Variants in ATP2B4 observed in about 807,000 individuals in gnomAD.
ATP2B4 encodes ATPase plasma membrane Ca2+ transporting 4.
In ATP2B4, 39 loss-of-function variants were observed where a neutral mutation model predicts 110.3. The ratio of observed to expected loss-of-function variants is 0.35; its 90% CI spans 0.27 to 0.46. ATP2B4 has a LOEUF of 0.46. Among genes scored for constraint, ATP2B4 ranks in the 20% least tolerant of loss-of-function variants. ATP2B4 has a pLI of 1.00. For synonymous variants in ATP2B4, 538 were observed against 571.7 expected (o/e 0.94, Z 0.84); for missense variants, 1,135 against 1,530.9 (o/e 0.74, Z 4.32).
intron 1 of ATP2B4, among the ~76,000 whole-genome samples, chr1:203,644,348 T>G (rs1663727783): frequency 6.6e-6 from 1 of 151,898 alleles, no homozygotes; most frequent in Admixed American, 6.6e-5. Context: ...GAACTTTACC[T>G]TCTTCCTTCC....
At chr1:203,689,966 A>G (rs1248636210) in intron 2 of ATP2B4, among the ~76,000 whole-genome samples, 3 of 152,178 alleles carry the variant, frequency 2.0e-5, no homozygotes, top group Non-Finnish European at 4.4e-5. Flanking sequence ...CATTGCTACC[A>G]CCTGCTGAAT....
chr1:203,683,402 A>G lies in ATP2B4; in HGVS notation c.193+4A>G. The G allele has an allele frequency of 6.2e-7, 1 of 1,604,694 alleles. No homozygotes were observed. Among genetic ancestry groups the G allele is most frequent in the Non-Finnish European group, 8.5e-7 (1 of 1,173,738 alleles). ...CTGAAAACCTCCCCTGTGGAAGGTA[A>G]AGGCCATATCAGGGGTGGGGAGTTG... On this transcript the variant is annotated splice_donor_region_variant and intron_variant, in intron 2 of 20. Transcript: ENST00000357681.
chr1:203,711,199 TCTCACTTA>T, intron 12 of ATP2B4, 91 bp downstream of exon 12: 7 of 1,221,896 alleles, frequency 5.7e-6, no homozygotes, highest in Non-Finnish European at 8.3e-6. Flanking sequence ...CCTAACTGCC[TCTCACTTA>T]GAGGGATAGA....
At chr1:203,717,626 T>TTTTATTTATTTA (rs113515512) in intron 15 of ATP2B4, among the ~76,000 whole-genome samples, 13,666 of 144,130 alleles carry the variant, frequency 0.095, 843 homozygotes, top group South Asian at 0.22. Context: ...ATGGTATTTA[T>TTTTATTTATTTA]TTTATTTATT....
intron 1 of ATP2B4, among the ~76,000 whole-genome samples, chr1:203,628,199 G>A (rs956157471): frequency 2.0e-5 from 3 of 152,182 alleles, no homozygotes; most frequent in African/African-American, 7.2e-5. Flanking sequence ...TGTCCTTCCT[G>A]CTCTCCCTTC....
chr1:203,695,310 G>T (rs1456494148), intron 2 of ATP2B4, among the ~76,000 whole-genome samples: 1 of 152,234 alleles, frequency 6.6e-6, no homozygotes, highest in Non-Finnish European at 1.5e-5. Context: ...GACCAGCAAG[G>T]CCCTGCCCCT....
At chr1:203,731,809 C>T (rs1666723390) in intron 20 of ATP2B4, among the ~76,000 whole-genome samples, 1 of 122,526 alleles carries the variant, frequency 8.2e-6, no homozygotes, top group East Asian at 2.6e-4. Flanking sequence ...AAGATCGTGC[C>T]ATTGCACTCC....
chr1:203,739,753 G>T lies in ATP2B4; in HGVS notation c.3517G>T (p.Val1173Phe), dbSNP rs1239671863. The T allele has an allele frequency of 3.7e-6, 6 of 1,614,164 alleles. No homozygotes were observed. The highest frequency in any genetic ancestry group is 5.1e-6 in the Non-Finnish European group (6 of 1,180,036). The stretch of plus-strand genomic sequence containing the variant: ...TAGGGTGCTCCTGTTGGATGGTGAG[G>T]TCACTCCATATGCCAATACAAACAA... ...GTRVLLLDGE[V>F]TPYANTNNNA... The change falls in exon 21 of 21, where the codon GTC (valine) becomes TTC (phenylalanine). Residue 1173 changes from valine (V) to phenylalanine (F), a missense_variant. Transcript: ENST00000357681.
At chr1:203,679,749 G>A (rs1468398394) in intron 1 of ATP2B4, among the ~76,000 whole-genome samples, 2 of 152,272 alleles carry the variant, frequency 1.3e-5, no homozygotes. Context: ...GGGCATGGTG[G>A]CATGCGACTG....
chr1:203,676,037 C>G (rs894697522), intron 1 of ATP2B4, among the ~76,000 whole-genome samples: 2 of 152,140 alleles, frequency 1.3e-5, no homozygotes, highest in African/African-American at 4.8e-5. Flanking sequence ...ATTCCCTGAC[C>G]AGGCCATGGT....
chr1:203,718,484 G>C (rs1666224466), intron 15 of ATP2B4, among the ~76,000 whole-genome samples: 1 of 151,838 alleles, frequency 6.6e-6, no homozygotes, highest in Admixed American at 6.6e-5. Flanking sequence ...TTTTTTAGTA[G>C]AGATGGAGTT....
chr1:203,706,032 C>A (rs1286687053), intron 8 of ATP2B4, among the ~76,000 whole-genome samples: 1 of 152,210 alleles, frequency 6.6e-6, no homozygotes, highest in Non-Finnish European at 1.5e-5. Flanking sequence ...TGATTTAAAG[C>A]AGAGCTTTTC....
chr1:203,733,289 G>T (rs1198644248), intron 20 of ATP2B4: 1 of 1,613,974 alleles, frequency 6.2e-7, no homozygotes, highest in South Asian at 1.1e-5. Context: ...ACAGAACATG[G>T]GTCAACACCT....
At chr1:203,663,635 T>G (rs1664416276) in intron 1 of ATP2B4, among the ~76,000 whole-genome samples, 1 of 151,908 alleles carries the variant, frequency 6.6e-6, no homozygotes, top group African/African-American at 2.4e-5. Context: ...AAGCAAGGTC[T>G]TGCTCTGTCA....
At chr1:203,728,206 C>T (rs756769511) in intron 20 of ATP2B4, 1 of 469,954 alleles carries the variant, frequency 2.1e-6, no homozygotes, top group South Asian at 1.6e-5. Context: ...ATAATTTCTT[C>T]AAGCCTCTTC....
chr1:203,708,320 G>A (rs1294031056), intron 10 of ATP2B4, among the ~76,000 whole-genome samples: 2 of 152,146 alleles, frequency 1.3e-5, no homozygotes, highest in African/African-American at 4.8e-5. Context: ...CTATGGCCAG[G>A]AAATACCCTC....
intron 8 of ATP2B4, among the ~76,000 whole-genome samples, chr1:203,705,626 T>C (rs1468020539): frequency 1.3e-5 from 2 of 152,284 alleles, no homozygotes; most frequent in Middle Eastern, 3.4e-3. Flanking sequence ...GATCTGCCCC[T>C]GGACTCAAGG....
At chr1:203,646,010 T>C (rs571007159) in intron 1 of ATP2B4, among the ~76,000 whole-genome samples, 1 of 152,144 alleles carries the variant, frequency 6.6e-6, no homozygotes, top group Admixed American at 6.5e-5. Flanking sequence ...GTTTTCTCGG[T>C]GTACTTTAAT....
chr1:203,717,375 C>T (rs1334324872), intron 15 of ATP2B4, among the ~76,000 whole-genome samples: 1 of 151,920 alleles, frequency 6.6e-6, no homozygotes, highest in African/African-American at 2.4e-5. Flanking sequence ...AGTATCATTA[C>T]GAATTCATAG....
Sources: allele counts gnomAD v4.1 joint callset (sites outside exome capture counted in the v4.1 genomes callset), GRCh38; gene constraint gnomAD v4.1.1; transcripts MANE v1.5; gene names NCBI Gene and HGNC (gene_info 2026-07-23, HGNC 2026-07-21).